Variants in USP9X observed in about 807,000 individuals in gnomAD.
The protein encoded by USP9X is ubiquitin specific peptidase 9 X-linked.
Under a neutral mutation model 190.3 loss-of-function variants are expected in USP9X, and 7 were observed. The observed-to-expected ratio is 0.04, with a 90% confidence interval of 0.02 to 0.07. The LOEUF is 0.07. Among genes scored for constraint, USP9X ranks in the 10% least tolerant of loss-of-function variants. USP9X has a pLI of 1.00. For synonymous variants in USP9X, 645 were observed against 659.5 expected (o/e 0.98, Z 0.34); for missense variants, 1,010 against 1,916.9 (o/e 0.53, Z 8.83).
chrX:41,181,715 CTGGGA>C (rs2062829036), intron 21 of USP9X, among the ~76,000 whole-genome samples: 1 of 110,001 alleles, frequency 9.1e-6, no homozygotes, highest in African/African-American at 3.3e-5. Flanking sequence ...TCCCTGAGTG[CTGGGA>C]TTACAGGCAT....
At chrX:41,189,673 G>T in intron 26 of USP9X, 198 bp downstream of exon 26, 1 of 329,556 alleles carries the variant, frequency 3.0e-6, no homozygotes, top group Non-Finnish European at 5.2e-6. Context: ...AATATTAATT[G>T]TCAAAGCATG....
chrX:41,194,578 G>A (rs1175095215), intron 26 of USP9X, among the ~76,000 whole-genome samples: 1 of 110,895 alleles, frequency 9.0e-6, no homozygotes, highest in Non-Finnish European at 1.9e-5. Context: ...AAATAAATTT[G>A]GTTCTGAGTT....
intron 1 of USP9X, among the ~76,000 whole-genome samples, chrX:41,098,962 A>G (rs745913647): frequency 6.5e-5 from 7 of 107,659 alleles, no homozygotes; most frequent in Non-Finnish European, 1.2e-4. Context: ...GTCTTGCTCT[A>G]TCACTCAGGC....
At chrX:41,093,595 G>C (rs1044781526) in intron 1 of USP9X, among the ~76,000 whole-genome samples, 1 of 111,424 alleles carries the variant, frequency 9.0e-6, no homozygotes, top group Non-Finnish European at 1.9e-5. Flanking sequence ...CGCCTGCCTC[G>C]GCTTCCCAAA....
At chrX:41,214,970 C>T (rs888563132) in intron 34 of USP9X, among the ~76,000 whole-genome samples, 1 of 111,974 alleles carries the variant, frequency 8.9e-6, no homozygotes, top group African/African-American at 3.2e-5. Context: ...CGTGATAGCA[C>T]ATTCTCTTAT....
At chrX:41,114,276 G>A (rs1268621242) in intron 1 of USP9X, among the ~76,000 whole-genome samples, 2 of 111,620 alleles carry the variant, frequency 1.8e-5, no homozygotes, top group Non-Finnish European at 3.8e-5. Flanking sequence ...AAGTCATGAC[G>A]TTATAATGTT....
chrX:41,197,331 TCCCCCCCCCAC>T, intron 28 of USP9X, 22 bp from the exon 29 acceptor site: 1 of 486,749 alleles, frequency 2.1e-6, no homozygotes, highest in Non-Finnish European at 2.9e-6. Flanking sequence ...TTTGATTTCT[TCCCCCCCCCAC>T]CCCACCCCCC....
chrX:41,165,762 A>G (rs2062673799), intron 15 of USP9X, 110 bp from the exon 16 acceptor site: 1 of 604,567 alleles, frequency 1.7e-6, no homozygotes, highest in African/African-American at 2.3e-5. Flanking sequence ...ATATCTTTTT[A>G]TCTATAGTTA....
intron 2 of USP9X, among the ~76,000 whole-genome samples, chrX:41,126,472 T>A (rs986445179): frequency 8.9e-6 from 1 of 111,851 alleles, no homozygotes; most frequent in Non-Finnish European, 1.9e-5. Context: ...TCCATGGAAT[T>A]CTAACCTTTT....
chrX:41,094,583 G>A (rs2061976253), intron 1 of USP9X, among the ~76,000 whole-genome samples: 1 of 111,539 alleles, frequency 9.0e-6, no homozygotes, highest in Non-Finnish European at 1.9e-5. Context: ...TCATGTCAGT[G>A]CTACCTTACT....
intron 32 of USP9X, among the ~76,000 whole-genome samples, chrX:41,208,470 T>C (rs1454795472): frequency 1.8e-5 from 2 of 112,095 alleles, no homozygotes; most frequent in African/African-American, 3.2e-5. Flanking sequence ...ATCCACACTT[T>C]AGACACATAA....
intron 1 of USP9X, among the ~76,000 whole-genome samples, chrX:41,117,737 G>A (rs2062161161): frequency 9.4e-6 from 1 of 106,421 alleles, no homozygotes; most frequent in South Asian, 4.2e-4. Context: ...GCTATTGTAT[G>A]TTTATTAGAG....
chrX:41,209,520 T>C (rs190285036), intron 32 of USP9X, among the ~76,000 whole-genome samples: 86 of 112,006 alleles, frequency 7.7e-4, no homozygotes, highest in African/African-American at 2.7e-3. Flanking sequence ...TTAAGTGATA[T>C]TAATTTTGAT....
intron 11 of USP9X, among the ~76,000 whole-genome samples, chrX:41,146,308 G>T (rs991772404): frequency 1.8e-5 from 2 of 111,880 alleles, no homozygotes; most frequent in African/African-American, 6.5e-5. Flanking sequence ...TTCCCAAGGT[G>T]TTGGTAAATC....
chrX:41,120,787 C>T (rs2062184734), intron 1 of USP9X, among the ~76,000 whole-genome samples: 2 of 109,263 alleles, frequency 1.8e-5, no homozygotes, highest in South Asian at 3.9e-4. Context: ...CGTGAGCTAC[C>T]GCGCCCAGCC....
chrX:41,126,968 T>C (rs2062259892), intron 2 of USP9X, among the ~76,000 whole-genome samples: 1 of 111,250 alleles, frequency 9.0e-6, no homozygotes. Flanking sequence ...ACTCGATAAA[T>C]GAAACAGCCT....
intron 28 of USP9X, 22 bp from the exon 29 acceptor site, chrX:41,197,342 C>G: frequency 1.5e-6 from 1 of 688,126 alleles, no homozygotes; most frequent in Non-Finnish European, 1.9e-6. Context: ...CCCCCCCCCA[C>G]CCCACCCCCC....
chrX:41,143,619 TA>T (rs2062440590), intron 10 of USP9X, among the ~76,000 whole-genome samples, 176 bp downstream of exon 10: 1 of 112,239 alleles, frequency 8.9e-6, no homozygotes, highest in Admixed American at 9.5e-5. Context: ...CTTTTAAAAA[TA>T]AAAATATTCT....
At chrX:41,128,039 G>T (rs2062271439) in intron 2 of USP9X, among the ~76,000 whole-genome samples, 1 of 111,737 alleles carries the variant, frequency 8.9e-6, no homozygotes, top group Non-Finnish European at 1.9e-5. Flanking sequence ...GGGAGAGAAA[G>T]ACATGCTAAA....
Sources: gnomAD v4.1 joint callset for allele counts (sites outside exome capture counted in the v4.1 genomes callset) on GRCh38, gnomAD v4.1.1 for gene constraint, MANE v1.5 for transcripts, NCBI Gene and HGNC (gene_info 2026-07-23, HGNC 2026-07-21) for gene names.